CDHR2: variants seen among roughly 807,000 people sequenced by gnomAD.
CDHR2 encodes the protein cadherin-related family member 2.
CDHR2 carries 104 observed loss-of-function variants against 138.6 expected under a neutral mutation model. The ratio of observed to expected loss-of-function variants is 0.75; its 90% CI spans 0.64 to 0.88. The LOEUF is 0.88. CDHR2 is among the 40% of genes least tolerant of loss of function. CDHR2 has a pLI of 0.00. For missense variants in CDHR2, 1,624 were observed against 1,727.6 expected, an observed-to-expected ratio of 0.94 and a Z score of 1.06; for synonymous variants, 755 against 742.8, an observed-to-expected ratio of 1.02 and a Z score of -0.27.
At chr5:176,546,095 G>A (rs552179804), upstream of CDHR2, among the ~76,000 whole-genome samples, 3 of 152,312 alleles carry the variant, frequency 2.0e-5, no homozygotes, top group South Asian at 2.1e-4. Context: ...GAGGCAGAGC[G>A]GGGAGCCTGG....
chr5:176,588,829 G>C (rs187442586), intron 21 of CDHR2, among the ~76,000 whole-genome samples: 5 of 152,078 alleles, frequency 3.3e-5, no homozygotes, highest in African/African-American at 7.3e-5. Flanking sequence ...TGGGGAACAG[G>C]GGCAGGTTCT....
At chr5:176,593,142 G>C (rs1478692408) in intron 31 of CDHR2, among the ~76,000 whole-genome samples, 1 of 152,214 alleles carries the variant, frequency 6.6e-6, no homozygotes, top group Non-Finnish European at 1.5e-5. Context: ...AGGAAAGCCA[G>C]CTGGGGGTGG....
At chr5:176,544,381 T>TTG (rs1240806934), upstream of CDHR2, among the ~76,000 whole-genome samples, 7 of 151,192 alleles carry the variant, frequency 4.6e-5, no homozygotes, top group Non-Finnish European at 8.9e-5. Context: ...TTTCCTTTTT[T>TTG]TCTTCCTTTT....
At chr5:176,559,586 T>C (rs1217788189) in intron 1 of CDHR2, among the ~76,000 whole-genome samples, 1 of 152,236 alleles carries the variant, frequency 6.6e-6, no homozygotes, top group East Asian at 1.9e-4. Context: ...TCTGTTTCTC[T>C]TTCTGGGACT....
chr5:176,582,929 C>G (rs956405064), intron 17 of CDHR2, among the ~76,000 whole-genome samples: 2 of 152,236 alleles, frequency 1.3e-5, no homozygotes, highest in African/African-American at 4.8e-5. Context: ...ATGTGCACCT[C>G]TGCCGTGTCT....
Position 176,578,398 on chromosome 5 carries a change from G to C in CDHR2, c.1608G>C (p.Gly536=), listed in dbSNP as rs1050704579. The C allele has an allele frequency of 5.0e-6, 8 of 1,613,830 alleles. No individual in the cohort carries two copies. The highest frequency in any genetic ancestry group is 1.7e-5 in the Admixed American group (1 of 59,990). The change falls in exon 16 of 32, where the codon GGG becomes GGC. Residue 536 remains glycine, a synonymous_variant. Coordinates refer to ENST00000261944, the MANE Select transcript of CDHR2 (RefSeq NM_017675.6). ...ADLFQVDPVS[G]TVTVRNGELL... The stretch of plus-strand genomic sequence containing the variant: ...TCTTCCAAGTGGATCCCGTCTCAGG[G>C]ACGGTGACGGTGAGGAACGGTGAGC...
intron 28 of CDHR2, 80 bp from the exon 29 acceptor site, chr5:176,591,130 G>C: frequency 1.1e-6 from 1 of 945,884 alleles, no homozygotes; most frequent in Non-Finnish European, 1.7e-6. Context: ...GGGATCTTGT[G>C]AAGCCACAGG....
chr5:176,551,204 G>A (rs760836705), intron 1 of CDHR2, among the ~76,000 whole-genome samples: 12 of 151,852 alleles, frequency 7.9e-5, no homozygotes, highest in Non-Finnish European at 1.6e-4. Context: ...AGTCTTGCTT[G>A]TCGCCCAGGC....
chr5:176,552,680 C>T (rs910067518), intron 1 of CDHR2, among the ~76,000 whole-genome samples: 14 of 152,216 alleles, frequency 9.2e-5, no homozygotes, highest in Admixed American at 3.9e-4. Context: ...GACTGTAGAA[C>T]GCCAGCCTCA....
rs1321699167 is a variant in CDHR2, at chr5:176,553,518, GA to G, written c.-16+4105del. On this transcript the variant is annotated intron_variant, in intron 1 of 31. Coordinates refer to ENST00000261944, the MANE Select transcript of CDHR2 (RefSeq NM_017675.6). The surrounding 1 kb of genome is among the most constrained non-coding windows in gnomAD (Gnocchi z 4.3). ...GATACCTGCTGGCTGCACACCTAGT[GA>G]CTAATTGTCCCGTGGCAGTTGACTC... 6.6e-6 allele frequency among the ~76,000 whole-genome samples: 1 copy of G among 152,148 alleles called. No individual in the cohort carries two copies. The highest frequency in any genetic ancestry group is 1.5e-5 in the Non-Finnish European group (1 of 68,014).
chr5:176,578,233 A>G, intron 15 of CDHR2, 132 bp from the exon 16 acceptor site: 1 of 1,218,100 alleles, frequency 8.2e-7, no homozygotes, highest in Non-Finnish European at 1.2e-6. Context: ...ACAAGGAATG[A>G]CTTTTTGAAA....
rs138477309 is a variant in CDHR2 at position 176,568,814 on chromosome 5, C to T, written c.261C>T (p.Tyr87=). Reference sequence around the variant, plus strand: ...TGAAGCTGGCCAGCGCTCTGGACTACGAGGTAAAGAGCATCAGCCGGAGAG... The same window carrying T: ...TGAAGCTGGCCAGCGCTCTGGACTATGAGGTAAAGAGCATCAGCCGGAGAG... ...GEVKLASALD[Y]ETLYTFKVTI... Residue 87 remains tyrosine (Y), a synonymous_variant, in exon 4 of 32, where the codon TAC becomes TAT. Coordinates refer to ENST00000261944, the MANE Select transcript of CDHR2 (RefSeq NM_017675.6). 7 of 1,614,106 alleles carry T rather than the reference C, an allele frequency of 4.3e-6. No homozygotes were observed. Among genetic ancestry groups the T allele is most frequent in the South Asian group, 1.1e-5 (1 of 91,088 alleles).
Position 176,575,306 on chromosome 5 carries a change from C to G in CDHR2, c.648C>G (p.Thr216=). The G allele has an allele frequency of 6.2e-7, 1 of 1,614,262 alleles. No homozygotes were observed. The highest frequency in any genetic ancestry group is 1.6e-4 in the Middle Eastern group (1 of 6,062). Residue 216 remains threonine (T), a synonymous_variant, in exon 9 of 32, where the codon ACC becomes ACG. Coordinates refer to ENST00000261944, the MANE Select transcript of CDHR2 (RefSeq NM_017675.6). The stretch of plus-strand genomic sequence containing the variant: ...ACTTGGGCGGCATGTACCACAACAC[C>G]TTCACCATCCAGTGCTCCCTGCCTG... ...ACDLGGMYHN[T]FTIQCSLPVF...
At position 176,590,063 on chromosome 5, in the gene CDHR2, C is replaced by T; in HGVS notation, c.3207-15C>T. ...CTAAGACCCCAGGCCTCTGTGACATCTGCCTTCTTTGCAGGGCTCTTACCC... is the reference window on the plus strand; with the variant it reads ...CTAAGACCCCAGGCCTCTGTGACATTTGCCTTCTTTGCAGGGCTCTTACCC... On this transcript the variant is annotated splice_polypyrimidine_tract_variant and intron_variant, in intron 24 of 31. Coordinates refer to ENST00000261944, the MANE Select transcript of CDHR2 (RefSeq NM_017675.6). 6.2e-7 allele frequency: 1 copy of T among 1,610,738 alleles called. No homozygotes were observed. The highest frequency in any genetic ancestry group is 1.1e-5 in the South Asian group (1 of 91,026).
intron 3 of CDHR2, chr5:176,567,010 A>C (rs1220444613): frequency 2.2e-6 from 1 of 456,204 alleles, no homozygotes; most frequent in Non-Finnish European, 4.4e-6. Context: ...AGGGGTATTG[A>C]CAAATACAAA....
chr5:176,571,446 G>A, intron 6 of CDHR2, 144 bp downstream of exon 6: 1 of 521,092 alleles, frequency 1.9e-6, no homozygotes, highest in Non-Finnish European at 3.3e-6. Flanking sequence ...CCAAAGCCAG[G>A]GGGATGTAAC....
At chr5:176,556,986 C>CCTCT (rs1757844104) in intron 1 of CDHR2, among the ~76,000 whole-genome samples, 1 of 99,520 alleles carries the variant, frequency 1.0e-5, no homozygotes, top group Admixed American at 1.2e-4. Flanking sequence ...TTCCTCTCTT[C>CCTCT]CTTCCTTCCT....
chr5:176,590,430 TC>T lies in CDHR2; in HGVS notation c.3361del (p.Arg1121GlyfsTer7). On this transcript the variant is annotated frameshift_variant, in exon 27 of 32. Transcript: ENST00000261944. LOFTEE classifies it high-confidence loss of function. Reference protein sequence around the residue: ...ALTLDELSVMIRNDQDSLTQL... With the variant: ...ALTLDELSVMXRNDQDSLTQL... Reference sequence around the variant, plus strand: ...AAGTGGAGTTCTGTGGCCAGGATGATCCGGAATGATCAGGACTCGCTGACGC... The same window carrying T: ...AAGTGGAGTTCTGTGGCCAGGATGATCGGAATGATCAGGACTCGCTGACGC... The T allele has an allele frequency of 5.6e-6, 9 of 1,614,034 alleles. No homozygotes were observed. The highest frequency in any genetic ancestry group is 7.6e-6 in the Non-Finnish European group (9 of 1,179,958).
In CDHR2 at chr5:176,578,055, G is replaced by A. The variant is rs756898008; in HGVS notation, c.1534G>A (p.Ala512Thr). ...SIHATDPDTG[A>T]WGQITYSLLP... is the part of the protein sequence containing the mutation. ...ACAGGCCACGGACCCAGACACGGGC[G>A]CGTGGGGCCAAATTACCTACAGCCT... The change falls in exon 15 of 32, where the codon GCG (alanine) becomes ACG (threonine). Residue 512 changes from alanine (A) to threonine (T), a missense_variant. By Grantham distance (58) the Ala-to-Thr change is moderately conservative (BLOSUM62 0). This residue lies in a region of CDHR2 where 1,061 missense variants were observed against 1,136.6 expected (regional missense o/e 0.93). Transcript: ENST00000261944. The A allele has an allele frequency of 1.1e-5, 17 of 1,612,490 alleles. No homozygotes were observed. Among genetic ancestry groups the A allele is most frequent in the Middle Eastern group, 1.6e-4 (1 of 6,070 alleles).
Sources: allele counts gnomAD v4.1 joint callset (sites outside exome capture counted in the v4.1 genomes callset), GRCh38; gene constraint gnomAD v4.1.1; regional missense constraint gnomAD v4.1.1; non-coding constraint Gnocchi (gnomAD v3.1); transcripts MANE v1.5; gene names NCBI Gene and HGNC (gene_info 2026-07-23, HGNC 2026-07-21).